Variants in DMD observed in about 807,000 individuals in gnomAD.
The protein encoded by DMD is dystrophin.
In DMD, 63 loss-of-function variants were observed where a neutral mutation model predicts 330.1. The ratio of observed to expected loss-of-function variants is 0.19; its 90% CI spans 0.16 to 0.24. DMD has a LOEUF of 0.24. Among genes scored for constraint, DMD ranks in the 10% least tolerant of loss-of-function variants. DMD has a pLI of 1.00. For missense variants in DMD, 3,344 were observed against 2,684.1 expected, an observed-to-expected ratio of 1.25 and a Z score of -5.43; for synonymous variants, 1,223 against 959.8, an observed-to-expected ratio of 1.27 and a Z score of -5.07.
chrX:32,620,477 G>A (rs1177222734), intron 11 of DMD, among the ~76,000 whole-genome samples: 1 of 112,204 alleles, frequency 8.9e-6, no homozygotes, highest in Admixed American at 9.4e-5. Flanking sequence ...ACATTTTAGA[G>A]ACACATTTAC....
At chrX:32,692,414 C>T (rs1188163771) in intron 9 of DMD, among the ~76,000 whole-genome samples, 3 of 111,376 alleles carry the variant, frequency 2.7e-5, no homozygotes, top group Non-Finnish European at 5.7e-5. Context: ...GGAGTGGTCT[C>T]CCTGGCTGGC....
chrX:32,467,062 G>A (rs539597737), intron 23 of DMD, among the ~76,000 whole-genome samples: 1 of 111,829 alleles, frequency 8.9e-6, no homozygotes, highest in Non-Finnish European at 1.9e-5. Flanking sequence ...ACAAATAATA[G>A]ATATTTTCAT....
In DMD at chrX:32,522,740, G is replaced by A. The variant is rs1290524973; in HGVS notation, c.2169-4609C>T. Among the ~76,000 whole-genome samples the A allele has an allele frequency of 2.7e-5, 3 of 111,887 alleles. No homozygotes were observed. The East Asian group carries it at 8.4e-4, about 31-fold the overall frequency. On this transcript the variant is annotated intron_variant, in intron 17 of 78. Transcript: ENST00000357033. ...TTCATATTTTCTAAAGTAATTCAGA[G>A]CTATTCTTTATTCTTGTTCCTCCTC...
intron 78 of DMD, among the ~76,000 whole-genome samples, chrX:31,122,323 T>TTGA (rs942423893): frequency 3.6e-5 from 4 of 111,748 alleles, no homozygotes; most frequent in African/African-American, 1.3e-4. Flanking sequence ...GAGTGATTGA[T>TTGA]TGATTACTTA....
At chrX:31,913,907 C>T (rs2094576703) in intron 47 of DMD, among the ~76,000 whole-genome samples, 1 of 111,895 alleles carries the variant, frequency 8.9e-6, no homozygotes, top group Non-Finnish European at 1.9e-5. Flanking sequence ...ATCACAGTAT[C>T]TTCTCTAATA....
chrX:31,948,550 T>C (rs1310558555), intron 45 of DMD, among the ~76,000 whole-genome samples: 1 of 111,219 alleles, frequency 9.0e-6, no homozygotes, highest in Non-Finnish European at 1.9e-5. Flanking sequence ...TTGTTTTTGG[T>C]TTGTTTTTAT....
intron 13 of DMD, among the ~76,000 whole-genome samples, chrX:32,582,808 A>C (rs1301113495): frequency 8.9e-6 from 1 of 112,020 alleles, no homozygotes; most frequent in Non-Finnish European, 1.9e-5. Context: ...TACTTTAGGG[A>C]AACTTGCAAC....
At chrX:32,813,985 A>G (rs2148786944) in intron 6 of DMD, among the ~76,000 whole-genome samples, 1 of 111,884 alleles carries the variant, frequency 8.9e-6, no homozygotes, top group Non-Finnish European at 1.9e-5. Context: ...TAGTTTGTCA[A>G]CAAGTAGAAA....
intron 7 of DMD, among the ~76,000 whole-genome samples, chrX:32,761,015 C>T (rs949733060): frequency 4.7e-5 from 5 of 105,659 alleles, no homozygotes; most frequent in Non-Finnish European, 7.6e-5. Flanking sequence ...ATGTACTCTC[C>T]GGGCATTATT....
intron 1 of DMD, chrX:33,041,305 G>A (rs753973770): frequency 1.4e-5 from 14 of 1,020,130 alleles, no homozygotes; most frequent in African/African-American, 1.1e-4. Context: ...GCGCGCCGGC[G>A]ACCAAGCCTA....
chrX:31,986,798 G>A (rs1350797571), intron 44 of DMD, among the ~76,000 whole-genome samples: 3 of 112,012 alleles, frequency 2.7e-5, no homozygotes, highest in African/African-American at 6.5e-5. Flanking sequence ...AAGTGAAACC[G>A]CCATATTGCC....
At chrX:32,405,597 G>GCCA (rs751845059) in intron 30 of DMD, among the ~76,000 whole-genome samples, 5 of 110,908 alleles carry the variant, frequency 4.5e-5, no homozygotes, top group Non-Finnish European at 9.5e-5. Flanking sequence ...TGATGCTGTG[G>GCCA]CCATATAATT....
chrX:32,644,192 A>T lies in DMD; in HGVS notation c.1271T>A (p.Met424Lys), dbSNP rs1369670784. The change falls in exon 11 of 79, where the codon ATG becomes AAG. Residue 424 changes from methionine to lysine, a missense_variant. Coordinates refer to ENST00000357033, the MANE Select transcript of DMD (RefSeq NM_004006.3). Reference protein sequence around the residue: ...EDEETEVQEQMNLLNSRWECL... With the variant: ...EDEETEVQEQKNLLNSRWECL... ...TTCCCATCTTGAATTTAGGAGATTC[A>T]TCTGCTCTTGTACTTCAGTTTCTTC... 1 of 1,210,677 alleles carries T rather than the reference A, an allele frequency of 8.3e-7. No individual in the cohort carries two copies. The highest frequency in any genetic ancestry group is 1.1e-6 in the Non-Finnish European group (1 of 894,683).
chrX:33,019,246 T>C (rs2093866899), intron 2 of DMD, among the ~76,000 whole-genome samples: 1 of 111,632 alleles, frequency 9.0e-6, no homozygotes, highest in Admixed American at 9.6e-5. Flanking sequence ...TTAGTGACTC[T>C]TTAAATCATT....
intron 1 of DMD, among the ~76,000 whole-genome samples, chrX:33,257,520 C>T (rs1254460584): frequency 9.0e-6 from 1 of 111,183 alleles, no homozygotes; most frequent in Non-Finnish European, 1.9e-5. Flanking sequence ...TGTCCAGTGT[C>T]ACATATACGT....
At chrX:32,365,318 G>A (rs1461278296) in intron 34 of DMD, 119 bp from the exon 35 acceptor site, 2 of 661,024 alleles carry the variant, frequency 3.0e-6, no homozygotes, top group African/African-American at 4.4e-5. Flanking sequence ...CTATAACTAT[G>A]TATTAATGAA....
At chrX:31,916,299 A>T (rs922630636) in intron 47 of DMD, among the ~76,000 whole-genome samples, 5 of 112,352 alleles carry the variant, frequency 4.5e-5, no homozygotes, top group African/African-American at 1.6e-4. Flanking sequence ...AATAAGTTTT[A>T]GGGTGATTTG....
chrX:31,219,911 T>C (rs2045822312), intron 64 of DMD, among the ~76,000 whole-genome samples: 1 of 110,649 alleles, frequency 9.0e-6, no homozygotes, highest in Non-Finnish European at 1.9e-5. Flanking sequence ...ATGGACTGCC[T>C]ATATGACAGC....
chrX:32,778,692 C>T (rs2148517819), intron 7 of DMD, among the ~76,000 whole-genome samples: 1 of 111,520 alleles, frequency 9.0e-6, no homozygotes, highest in South Asian at 3.8e-4. Context: ...TTCCTCCATT[C>T]TTCAAAGCGA....
Sources: gnomAD v4.1 joint callset for allele counts (sites outside exome capture counted in the v4.1 genomes callset) on GRCh38, gnomAD v4.1.1 for gene constraint, MANE v1.5 for transcripts, NCBI Gene and HGNC (gene_info 2026-07-23, HGNC 2026-07-21) for gene names.